Variants in PTPRT observed in about 807,000 individuals in gnomAD.
PTPRT encodes receptor-type tyrosine-protein phosphatase T.
In PTPRT, 56 loss-of-function variants were observed where a neutral mutation model predicts 176.8. The ratio of observed to expected loss-of-function variants is 0.32; its 90% CI spans 0.26 to 0.40. The LOEUF is 0.40. Ranked by LOEUF, PTPRT falls within the 10% of genes least tolerant of loss-of-function variation. The pLI is 1.00. For missense variants in PTPRT, 1,540 were observed against 1,908.2 expected (o/e 0.81, Z 3.60); for synonymous variants, 783 against 739.0 (o/e 1.06, Z -0.96).
intron 12 of PTPRT, among the ~76,000 whole-genome samples, chr20:42,294,185 C>T (rs527668109): frequency 3.3e-5 from 5 of 152,126 alleles, no homozygotes; most frequent in Non-Finnish European, 7.4e-5. Flanking sequence ...GCAGAGAGTA[C>T]ATGGCTGATC....
intron 27 of PTPRT, among the ~76,000 whole-genome samples, chr20:42,097,997 G>A (rs1985441458): frequency 6.6e-6 from 1 of 152,222 alleles, no homozygotes; most frequent in Non-Finnish European, 1.5e-5. Flanking sequence ...TCAAGTCCCA[G>A]GCTCTGTCTG....
chr20:42,999,799 C>T (rs961640668), intron 1 of PTPRT, among the ~76,000 whole-genome samples: 1 of 151,640 alleles, frequency 6.6e-6, no homozygotes, highest in Admixed American at 6.6e-5. Context: ...AAAGTGAAAC[C>T]CTGACTCTAA....
intron 7 of PTPRT, among the ~76,000 whole-genome samples, chr20:42,584,798 T>C (rs2073443348): frequency 6.6e-6 from 1 of 152,234 alleles, no homozygotes; most frequent in South Asian, 2.1e-4. Flanking sequence ...GATCAATAAA[T>C]ATTTGTAAAT....
intron 18 of PTPRT, among the ~76,000 whole-genome samples, chr20:42,135,453 C>T (rs574284865): frequency 1.8e-4 from 27 of 152,336 alleles, no homozygotes; most frequent in Non-Finnish European, 2.5e-4. Flanking sequence ...GAATCAGAAA[C>T]TGTGGGGTGG....
chr20:42,104,606 G>C lies in PTPRT; in HGVS notation c.3503C>G (p.Pro1168Arg). The change falls in exon 25 of 31, where the codon CCC (proline) becomes CGC (arginine). Residue 1168 changes from proline (P) to arginine (R), a missense_variant. Coordinates refer to ENST00000373187, the MANE Select transcript of PTPRT (RefSeq NM_007050.6). ...SLYYNISRLD[P>R]QTNSSQIKDE... The stretch of plus-strand genomic sequence containing the variant: ...TTTGATTTGGCTGGAGTTTGTCTGG[G>C]GGTCCAGCCTGCTGATATTGTAGTA... 2 of 1,612,842 alleles carry C rather than the reference G, an allele frequency of 1.2e-6. No individual in the cohort carries two copies. Among genetic ancestry groups the C allele is most frequent in the Non-Finnish European group, 8.5e-7 (1 of 1,178,932 alleles).
chr20:42,477,338 G>C (rs1240493510), intron 7 of PTPRT, among the ~76,000 whole-genome samples: 1 of 151,978 alleles, frequency 6.6e-6, no homozygotes, highest in Non-Finnish European at 1.5e-5. Flanking sequence ...CACAGTCCTT[G>C]TTCTGTCCCC....
chr20:43,140,176 G>A (rs556046633), intron 1 of PTPRT, among the ~76,000 whole-genome samples: 1 of 152,182 alleles, frequency 6.6e-6, no homozygotes, highest in Admixed American at 6.5e-5. Flanking sequence ...TAAACCAGAA[G>A]ACAAAATTCT....
chr20:42,526,956 C>CTTTTT (rs915511549), intron 7 of PTPRT, among the ~76,000 whole-genome samples: 181 of 78,704 alleles, frequency 2.3e-3, no homozygotes, highest in African/African-American at 3.4e-3. Context: ...GTTCTTTTTT[C>CTTTTT]TTTTTTTTTT....
At chr20:43,111,679 T>C (rs1430924234) in intron 1 of PTPRT, among the ~76,000 whole-genome samples, 1 of 151,940 alleles carries the variant, frequency 6.6e-6, no homozygotes, top group Non-Finnish European at 1.5e-5. Flanking sequence ...AAATATGATC[T>C]GGTGAGAAGT....
At chr20:43,171,765 C>T (rs901068205) in intron 1 of PTPRT, among the ~76,000 whole-genome samples, 5 of 152,146 alleles carry the variant, frequency 3.3e-5, no homozygotes, top group Admixed American at 2.0e-4. Context: ...CTGAAAAGTT[C>T]CCAGGTGATG....
chr20:42,850,388 C>T (rs575149121), intron 2 of PTPRT, among the ~76,000 whole-genome samples: 39 of 152,286 alleles, frequency 2.6e-4, no homozygotes, highest in Middle Eastern at 3.4e-3. Context: ...TTTTAACGTC[C>T]GAACCGGAAT....
chr20:42,548,925 A>T (rs890460947), intron 7 of PTPRT, among the ~76,000 whole-genome samples: 18 of 152,186 alleles, frequency 1.2e-4, no homozygotes, highest in African/African-American at 4.1e-4. Context: ...TTTACACTGA[A>T]TAGGTTGGCA....
chr20:42,318,294 A>G (rs758743559), intron 11 of PTPRT, among the ~76,000 whole-genome samples: 2 of 152,212 alleles, frequency 1.3e-5, no homozygotes, highest in Non-Finnish European at 2.9e-5. Context: ...GTCACTGAAA[A>G]ATAGCACAAG....
chr20:42,561,773 C>T (rs530180272), intron 7 of PTPRT, among the ~76,000 whole-genome samples: 1 of 152,336 alleles, frequency 6.6e-6, no homozygotes, highest in Admixed American at 6.5e-5. Context: ...TTCACACTGA[C>T]ACGCACCGCT....
At chr20:43,072,646 A>G (rs1390816472) in intron 1 of PTPRT, among the ~76,000 whole-genome samples, 1 of 152,106 alleles carries the variant, frequency 6.6e-6, no homozygotes, top group East Asian at 1.9e-4. Context: ...CCCAAACTGC[A>G]TTTGTTTCTG....
At chr20:42,545,746 G>A (rs376207483) in intron 7 of PTPRT, among the ~76,000 whole-genome samples, 10 of 152,146 alleles carry the variant, frequency 6.6e-5, no homozygotes, top group African/African-American at 2.4e-4. Context: ...TTTGACCCTA[G>A]GGCAGGTCAC....
chr20:42,631,204 G>C (rs1360614200), intron 7 of PTPRT, among the ~76,000 whole-genome samples: 1 of 152,094 alleles, frequency 6.6e-6, no homozygotes, highest in Admixed American at 6.6e-5. Flanking sequence ...TCTAACACTG[G>C]CGAGAGTGGG....
intron 6 of PTPRT, among the ~76,000 whole-genome samples, chr20:42,708,584 C>G (rs1347492774): frequency 6.6e-6 from 1 of 152,160 alleles, no homozygotes; most frequent in Non-Finnish European, 1.5e-5. Context: ...GTTAAGGGCC[C>G]AAGATAGCAG....
chr20:43,047,402 G>T (rs940346441), intron 1 of PTPRT, among the ~76,000 whole-genome samples: 6 of 152,258 alleles, frequency 3.9e-5, no homozygotes, highest in African/African-American at 1.4e-4. Flanking sequence ...TCAGCTATTA[G>T]CTTATTGGGC....
Sources: gnomAD v4.1 joint callset for allele counts (sites outside exome capture counted in the v4.1 genomes callset) on GRCh38, gnomAD v4.1.1 for gene constraint, MANE v1.5 for transcripts, NCBI Gene and HGNC (gene_info 2026-07-23, HGNC 2026-07-21) for gene names.